SAMM50: variants seen among roughly 807,000 people sequenced by gnomAD.
SAMM50 encodes SAMM50 sorting and assembly machinery component.
A neutral mutation model predicts 66.9 loss-of-function variants in SAMM50; 47 were observed. The ratio of observed to expected loss-of-function variants is 0.70; its 90% confidence interval spans 0.56 to 0.90. The LOEUF (loss-of-function observed/expected upper bound fraction) is 0.90, where lower values mean the gene tolerates loss of function less well. SAMM50 is among the 40% of genes least tolerant of loss of function. SAMM50 has a pLI of 0.00. For missense variants in SAMM50, 535 were observed against 595.3 expected (o/e 0.90, Z 1.05); for synonymous variants, 191 against 214.1 (o/e 0.89, Z 0.94).
In SAMM50 at chr22:43,972,274, G is replaced by C. The variant is rs1342357280; in HGVS notation, c.361G>C (p.Glu121Gln). 1.9e-6 allele frequency: 3 copies of C among 1,605,554 alleles called. No individual in the cohort carries two copies. Among genetic ancestry groups the C allele is most frequent in the Middle Eastern group, 1.6e-4 (1 of 6,070 alleles). Reference sequence around the variant, plus strand: ...TCCAAATGGGTTAGACGTTACCTTTGAAGTAACTGAATTGAGGAGATTAAC... The same window carrying C: ...TCCAAATGGGTTAGACGTTACCTTTCAAGTAACTGAATTGAGGAGATTAAC... ...ALPNGLDVTF[E>Q]VTELRRLTGS... Residue 121 changes from glutamate to glutamine, a missense_variant, in exon 5 of 15, where the codon GAA (glutamate) becomes CAA (glutamine). By Grantham distance (29) the Glu-to-Gln change is conservative. Transcript: ENST00000350028.
At chr22:43,975,675 G>T (rs1354991721) in intron 7 of SAMM50, 2 of 162,824 alleles carry the variant, frequency 1.2e-5, no homozygotes, top group Non-Finnish European at 2.7e-5. Flanking sequence ...GGGTCGGGTG[G>T]ACCAGGTGGG....
chr22:43,990,246 C>T lies in SAMM50; in HGVS notation c.1223-19C>T. The T allele has an allele frequency of 6.2e-7, 1 of 1,614,122 alleles. No homozygotes were observed. Among genetic ancestry groups the T allele is most frequent in the Non-Finnish European group, 8.5e-7 (1 of 1,179,992 alleles). ...AAGGACGGGCACGCACTGTTGCTCA[C>T]AGGTCTTTCTCTTTTCAGGGGAGGG... On this transcript the variant is annotated intron_variant, in intron 13 of 14. Coordinates refer to ENST00000350028, the MANE Select transcript of SAMM50 (RefSeq NM_015380.5).
intron 1 of SAMM50, chr22:43,956,991 G>C (rs1245819655): frequency 7.4e-6 from 5 of 674,360 alleles, no homozygotes; most frequent in Non-Finnish European, 1.3e-5. Flanking sequence ...TGGCTCCTGT[G>C]GCGGCCTGCC....
chr22:43,980,944 T>C (rs553201231), intron 10 of SAMM50, among the ~76,000 whole-genome samples: 8 of 152,298 alleles, frequency 5.3e-5, no homozygotes, highest in South Asian at 2.1e-4. Context: ...CGTCTCTGCA[T>C]TGGGGGAGCC....
intron 1 of SAMM50, among the ~76,000 whole-genome samples, chr22:43,959,711 C>T (rs1715923735): frequency 6.6e-6 from 1 of 152,050 alleles, no homozygotes; most frequent in Admixed American, 6.5e-5. Flanking sequence ...AACACTCACC[C>T]CATGCCTATT....
chr22:43,970,005 AG>A (rs1277675937), intron 4 of SAMM50, among the ~76,000 whole-genome samples: 2 of 152,234 alleles, frequency 1.3e-5, no homozygotes, highest in Non-Finnish European at 2.9e-5. Context: ...GGCCTAGATA[AG>A]ACAATATAGG....
At chr22:43,957,976 A>G (rs2050128574) in intron 1 of SAMM50, among the ~76,000 whole-genome samples, 1 of 150,662 alleles carries the variant, frequency 6.6e-6, no homozygotes, top group African/African-American at 2.4e-5. Flanking sequence ...GATGGTCTCG[A>G]TCTCCTGACC....
intron 12 of SAMM50, chr22:43,986,946 T>C (rs755648434): frequency 6.6e-6 from 1 of 152,256 alleles, no homozygotes; most frequent in African/African-American, 2.4e-5. Flanking sequence ...AAAGTATAGA[T>C]TATTTCTTTT....
intron 3 of SAMM50, among the ~76,000 whole-genome samples, chr22:43,967,267 C>T (rs897802523): frequency 9.2e-5 from 14 of 152,150 alleles, no homozygotes; most frequent in Admixed American, 2.0e-4. Context: ...ATGCAACTGC[C>T]GACTCATCGT....
At position 43,972,906 on chromosome 22, in the gene SAMM50, T is replaced by G; in HGVS notation, c.465T>G (p.Arg155=). 6.2e-7 allele frequency: 1 copy of G among 1,602,954 alleles called. No individual in the cohort carries two copies. Among genetic ancestry groups the G allele is most frequent in the Non-Finnish European group, 8.5e-7 (1 of 1,177,664 alleles). The part of the protein sequence containing the change: ...LGLKLPNLLG[R]AEKVTFQFSY... ...TCAAGCTTCCTAATCTTCTTGGTCG[T>G]GCAGAAAAGGTGACCTTTCAGTTTT... Residue 155 remains arginine, a synonymous_variant, in exon 6 of 15, where the codon CGT becomes CGG. Transcript: ENST00000350028.
intron 6 of SAMM50, 52 bp from the exon 7 acceptor site, chr22:43,973,184 C>G: frequency 1.5e-6 from 2 of 1,348,180 alleles, no homozygotes; most frequent in African/African-American, 2.9e-5. Context: ...TAAATGTGTG[C>G]AAGTTCTAAT....
rs1384652207 is a variant in SAMM50 at position 43,990,294 on chromosome 22, C to T, written c.1252C>T (p.Leu418=). 2 of 1,614,188 alleles carry T rather than the reference C, an allele frequency of 1.2e-6. No homozygotes were observed. The highest frequency in any genetic ancestry group is 1.1e-5 in the South Asian group (1 of 91,078). Residue 418 remains leucine (L), a synonymous_variant, in exon 14 of 15, where the codon CTG becomes TTG. Coordinates refer to ENST00000350028, the MANE Select transcript of SAMM50 (RefSeq NM_015380.5). ...GEGPKAHIRK[L]AECIRWSYGA... ...GGGCCCCAAAGCTCATATTCGTAAG[C>T]TGGCTGAGTGCATCCGCTGGTCGTA...
intron 9 of SAMM50, among the ~76,000 whole-genome samples, chr22:43,977,272 G>A (rs1180214587): frequency 6.6e-6 from 1 of 152,194 alleles, no homozygotes; most frequent in African/African-American, 2.4e-5. Flanking sequence ...CTGTCTTTGG[G>A]TTGCCCTCTT....
At chr22:43,956,394 C>T (rs886736982) in intron 1 of SAMM50, among the ~76,000 whole-genome samples, 6 of 152,224 alleles carry the variant, frequency 3.9e-5, no homozygotes, top group African/African-American at 1.4e-4. Context: ...TCCCCATTAA[C>T]TTCCAAAAAA....
At chr22:43,995,011 T>C (rs1313101118) in intron 14 of SAMM50, among the ~76,000 whole-genome samples, 1 of 152,156 alleles carries the variant, frequency 6.6e-6, no homozygotes, top group African/African-American at 2.4e-5. Context: ...TATAGACTAG[T>C]TTGAAGGAGC....
intron 14 of SAMM50, among the ~76,000 whole-genome samples, chr22:43,990,971 T>C (rs1279475929): frequency 1.6e-5 from 2 of 125,542 alleles, no homozygotes; most frequent in Admixed American, 1.7e-4. Context: ...CTTACATGCA[T>C]TGTGTAAAAT....
Position 43,955,587 on chromosome 22 carries a change from G to A in SAMM50, c.10G>A (p.Val4Met). The stretch of plus-strand genomic sequence containing the variant: ...GGCTGGAGAGGGAACCATGGGGACT[G>A]TGCACGCCCGGGTAAGAGGCCCAGC... The part of the protein sequence containing the change: MGT[V>M]HARSLEPLPS... The change falls in exon 1 of 15, where the codon GTG becomes ATG. Residue 4 changes from valine (V) to methionine (M), a missense_variant. Physicochemically the swap from Val to Met is conservative, Grantham distance 21. Coordinates refer to ENST00000350028, the MANE Select transcript of SAMM50 (RefSeq NM_015380.5). 1 of 1,600,024 alleles carries A rather than the reference G, an allele frequency of 6.2e-7. No homozygotes were observed. The highest frequency in any genetic ancestry group is 8.5e-7 in the Non-Finnish European group (1 of 1,174,404).
chr22:43,977,498 A>C (rs956483765), intron 9 of SAMM50, among the ~76,000 whole-genome samples: 1 of 152,220 alleles, frequency 6.6e-6, no homozygotes, highest in Non-Finnish European at 1.5e-5. Flanking sequence ...TCAGAGGAGC[A>C]ATTAGAAATC....
chr22:43,972,433 CA>C, intron 5 of SAMM50, 91 bp downstream of exon 5: 1 of 688,694 alleles, frequency 1.5e-6, no homozygotes, highest in Non-Finnish European at 2.3e-6. Context: ...ATGATAGTTT[CA>C]AAATTCGGTC....
Sources: gnomAD v4.1 joint callset for allele counts (sites outside exome capture counted in the v4.1 genomes callset) on GRCh38, gnomAD v4.1.1 for gene constraint, MANE v1.5 for transcripts, NCBI Gene and HGNC (gene_info 2026-07-23, HGNC 2026-07-21) for gene names.